Variants in SPAG9 observed in about 807,000 individuals in gnomAD.
The protein encoded by SPAG9 is C-Jun-amino-terminal kinase-interacting protein 4.
Under a neutral mutation model 166.5 loss-of-function variants are expected in SPAG9, and 35 were observed. That is an observed-to-expected ratio of 0.21 (90% CI 0.16 to 0.28). The LOEUF is 0.28. Ranked by LOEUF, SPAG9 falls within the 10% of genes least tolerant of loss-of-function variation. The pLI, the probability that SPAG9 is intolerant of heterozygous loss-of-function variation, is 1.00. For synonymous variants in SPAG9, 534 were observed against 565.5 expected (o/e 0.94, Z 0.79); for missense variants, 1,235 against 1,603.3 (o/e 0.77, Z 3.92).
chr17:51,100,894 T>C (rs1170852755), intron 1 of SPAG9, among the ~76,000 whole-genome samples: 5 of 151,586 alleles, frequency 3.3e-5, no homozygotes, highest in African/African-American at 9.7e-5. Flanking sequence ...TACTCCAGCC[T>C]GGGCAATAAG....
intron 1 of SPAG9, among the ~76,000 whole-genome samples, chr17:51,092,476 C>T (rs2048493165): frequency 6.6e-6 from 1 of 151,962 alleles, no homozygotes; most frequent in East Asian, 1.9e-4. Flanking sequence ...GAAATATGAA[C>T]ACTTATTAAG....
chr17:50,980,140 T>C (rs1974488423), intron 25 of SPAG9, among the ~76,000 whole-genome samples: 3 of 152,172 alleles, frequency 2.0e-5, no homozygotes, highest in Admixed American at 6.5e-5. Flanking sequence ...GATATCACCT[T>C]ATAACAGCAA....
intron 1 of SPAG9, among the ~76,000 whole-genome samples, chr17:51,094,946 A>G (rs971423847): frequency 6.6e-6 from 1 of 152,214 alleles, no homozygotes; most frequent in African/African-American, 2.4e-5. Context: ...AATCACCAGT[A>G]AATGTAAAAC....
intron 16 of SPAG9, 60 bp downstream of exon 16, chr17:50,996,505 C>T (rs998450640): frequency 1.2e-4 from 185 of 1,598,210 alleles, no homozygotes; most frequent in Non-Finnish European, 1.5e-4. Flanking sequence ...TTCATGCCCA[C>T]GCACACTCAA....
At chr17:51,091,633 T>G (rs565535285) in intron 1 of SPAG9, among the ~76,000 whole-genome samples, 37 of 152,090 alleles carry the variant, frequency 2.4e-4, no homozygotes, top group Middle Eastern at 3.4e-3. Flanking sequence ...TTTCTGTTTT[T>G]CTCACACACA....
chr17:51,069,125 G>A (rs1454978066), intron 2 of SPAG9, among the ~76,000 whole-genome samples: 1 of 151,742 alleles, frequency 6.6e-6, no homozygotes, highest in Non-Finnish European at 1.5e-5. Flanking sequence ...TAATTAACTT[G>A]TCATTCTTTT....
chr17:51,060,599 T>C (rs2047483472), intron 2 of SPAG9, among the ~76,000 whole-genome samples: 1 of 149,790 alleles, frequency 6.7e-6, no homozygotes, highest in South Asian at 2.1e-4. Context: ...AGGGCTGGTA[T>C]CCTTATAACA....
chr17:50,982,120 G>A (rs1017261097), intron 25 of SPAG9, among the ~76,000 whole-genome samples: 1 of 152,176 alleles, frequency 6.6e-6, no homozygotes, highest in African/African-American at 2.4e-5. Flanking sequence ...CCAGTGCAAT[G>A]TTATTTCTGT....
At chr17:51,025,830 T>C (rs765945643) in intron 6 of SPAG9, among the ~76,000 whole-genome samples, 1 of 152,214 alleles carries the variant, frequency 6.6e-6, no homozygotes, top group African/African-American at 2.4e-5. Context: ...AGGCAGAGGC[T>C]GCAGTGAGCT....
At chr17:51,110,202 T>C (rs930835947) in intron 1 of SPAG9, among the ~76,000 whole-genome samples, 3 of 152,138 alleles carry the variant, frequency 2.0e-5, no homozygotes, top group African/African-American at 7.2e-5. Context: ...TGTATGTGTG[T>C]ATATGTGTAT....
At chr17:51,013,723 A>G (rs997414201) in intron 9 of SPAG9, among the ~76,000 whole-genome samples, 11 of 152,362 alleles carry the variant, frequency 7.2e-5, no homozygotes, top group African/African-American at 2.6e-4. Flanking sequence ...GTATTCTTCT[A>G]GAACACAAAC....
At chr17:51,018,434 A>G (rs2045794717) in intron 8 of SPAG9, among the ~76,000 whole-genome samples, 1 of 152,196 alleles carries the variant, frequency 6.6e-6, no homozygotes, top group African/African-American at 2.4e-5. Flanking sequence ...AAATGATACC[A>G]AAATGAGACT....
intron 1 of SPAG9, among the ~76,000 whole-genome samples, chr17:51,106,417 T>C (rs2048952295): frequency 6.6e-6 from 1 of 152,234 alleles, no homozygotes; most frequent in African/African-American, 2.4e-5. Context: ...GGTTTGCTTA[T>C]TGTTTATTGC....
Position 50,974,963 on chromosome 17 carries a change from C to G in SPAG9, c.3524-16G>C. On this transcript the variant is annotated splice_polypyrimidine_tract_variant and intron_variant, in intron 27 of 29. Coordinates refer to ENST00000262013, the MANE Select transcript of SPAG9 (RefSeq NM_001130528.3). ...GTTTTATTTGCTGCAACAGAAAAAC[C>G]AAATACCAAATATTTTCCCCTAGAA... The G allele has an allele frequency of 6.2e-7, 1 of 1,606,392 alleles. No homozygotes were observed.
intron 3 of SPAG9, among the ~76,000 whole-genome samples, chr17:51,049,034 A>G (rs188759933): frequency 3.3e-5 from 5 of 152,312 alleles, no homozygotes; most frequent in African/African-American, 1.2e-4. Flanking sequence ...AATATAACAA[A>G]GTGACTGTCA....
chr17:51,010,711 A>T lies in SPAG9; in HGVS notation c.1214-3385T>A, dbSNP rs907943873. Among the ~76,000 whole-genome samples the T allele has an allele frequency of 3.3e-5, 5 of 152,032 alleles. No homozygotes were observed. The East Asian group carries it at 9.7e-4, about 29-fold the overall frequency. On this transcript the variant is annotated intron_variant, in intron 9 of 29. Transcript: ENST00000262013. ...AGGATGGAGAGCTATTCATTCACTAAAACAGTGCCTGTTGGTCCAAGAGCA... is the reference window on the plus strand; with the variant it reads ...AGGATGGAGAGCTATTCATTCACTATAACAGTGCCTGTTGGTCCAAGAGCA...
intron 22 of SPAG9, among the ~76,000 whole-genome samples, chr17:50,986,414 GATT>G (rs1258831204): frequency 6.6e-6 from 1 of 152,134 alleles, no homozygotes; most frequent in Non-Finnish European, 1.5e-5. Context: ...AAATGCTTGG[GATT>G]TCTGACTTTT....
chr17:51,078,087 A>AC (rs2048066443), intron 2 of SPAG9, among the ~76,000 whole-genome samples: 1 of 152,120 alleles, frequency 6.6e-6, no homozygotes, highest in Non-Finnish European at 1.5e-5. Context: ...GAGCCATCAT[A>AC]CCCAGCAAAC....
intron 5 of SPAG9, among the ~76,000 whole-genome samples, chr17:51,032,651 T>C (rs2046424942): frequency 6.6e-6 from 1 of 152,058 alleles, no homozygotes; most frequent in African/African-American, 2.4e-5. Flanking sequence ...AATACACAGA[T>C]TAGGCCGGCC....
Sources: allele counts gnomAD v4.1 joint callset (sites outside exome capture counted in the v4.1 genomes callset), GRCh38; gene constraint gnomAD v4.1.1; transcripts MANE v1.5; gene names NCBI Gene and HGNC (gene_info 2026-07-23, HGNC 2026-07-21).